Variants in TRAP1 observed in about 807,000 individuals in gnomAD.
TRAP1 encodes TNF receptor associated protein 1.
Under a neutral mutation model 89.1 loss-of-function variants are expected in TRAP1, and 102 were observed. The observed-to-expected ratio is 1.15, with a 90% CI of 0.98 to 1.35. The LOEUF (loss-of-function observed/expected upper bound fraction) is 1.35. Among genes scored for constraint, TRAP1 ranks in the 40% most tolerant of loss-of-function variants. The pLI, the probability that TRAP1 is intolerant of heterozygous loss-of-function variation, is 0.00. For missense variants in TRAP1, 1,256 were observed against 945.3 expected (o/e 1.33, Z -4.31); for synonymous variants, 508 against 388.0 (o/e 1.31, Z -3.64).
chr16:3,677,386 A>G, intron 6 of TRAP1, 112 bp downstream of exon 6: 8 of 1,423,158 alleles, frequency 5.6e-6, no homozygotes, highest in Non-Finnish European at 7.7e-6. Flanking sequence ...ATTTCATATA[A>G]AAAGCCCAGA....
At position 3,663,052 on chromosome 16, in the gene TRAP1, C is replaced by T. The variant is rs1489824439; in HGVS notation, c.1709-85G>A. On this transcript the variant is annotated intron_variant, in intron 14 of 17. Coordinates refer to ENST00000246957, the MANE Select transcript of TRAP1 (RefSeq NM_016292.3). ...GGGGCCACGCAGCATGCTTCCAGCTCCCACCTCCTCTCCCACCAGGATGGA... is the reference window on the plus strand; with the variant it reads ...GGGGCCACGCAGCATGCTTCCAGCTTCCACCTCCTCTCCCACCAGGATGGA... The T allele has an allele frequency of 1.2e-5, 12 of 1,024,166 alleles. No individual in the cohort carries two copies. The South Asian group carries it at 1.5e-4, about 13-fold the overall frequency. 63.4% of individuals were successfully genotyped at this position (1,024,166 alleles called of 1,614,324 possible). A position where few individuals can be genotyped will look rare whatever the true frequency, so the allele number is the denominator to read the frequency against.
At chr16:3,674,794 A>AC in intron 8 of TRAP1, 1 of 460,858 alleles carries the variant, frequency 2.2e-6, no homozygotes. Flanking sequence ...GCTGACGAAT[A>AC]CAGTGTGGGC....
In TRAP1 at chr16:3,686,079, T is replaced by A. The variant is rs555710034; in HGVS notation, c.388A>T (p.Lys130Ter). The A allele has an allele frequency of 1.2e-6, 2 of 1,614,126 alleles. No individual in the cohort carries two copies. The highest frequency in any genetic ancestry group is 4.5e-5 in the East Asian group (2 of 44,878). The part of the protein sequence containing the change: ...ASDALEKLRH[K>*]LVSDGQALPE... The stretch of plus-strand genomic sequence containing the variant: ...AGTGCTTGGCCGTCAGACACCAGTT[T>A]GTGACGCAGTTTTTCCAAGGCATCG... Residue 130 changes from lysine to a stop codon, truncating the protein, a stop_gained, in exon 4 of 18, where the codon AAA becomes TAA. Coordinates refer to ENST00000246957, the MANE Select transcript of TRAP1 (RefSeq NM_016292.3). LOFTEE classifies it high-confidence loss of function.
At position 3,667,827 on chromosome 16, in the gene TRAP1, C is replaced by G. The variant is rs1453511150; in HGVS notation, c.1236-1709G>C. On this transcript the variant is annotated intron_variant, in intron 11 of 17. Transcript: ENST00000246957. ...AGGCTGGAGTGCAGTGGCGTGATCT[C>G]GGCTCACTGCAACCTCTGCCTCCCG... 2.1e-5 allele frequency among the ~76,000 whole-genome samples: 3 copies of G among 140,362 alleles called. 1 individual carries two copies. The highest frequency in any genetic ancestry group is 4.6e-5 in the Non-Finnish European group (3 of 65,258). 92.1% of individuals were successfully genotyped at this position (140,362 alleles called of 152,430 possible).
intron 8 of TRAP1, 38 bp from the exon 9 acceptor site, chr16:3,674,532 C>T: frequency 1.2e-6 from 2 of 1,604,206 alleles, no homozygotes; most frequent in Non-Finnish European, 8.5e-7. Flanking sequence ...GTCGTGTTCA[C>T]CACGCACGTC....
At chr16:3,682,410 C>A (rs900266153) in intron 4 of TRAP1, among the ~76,000 whole-genome samples, 16 of 147,636 alleles carry the variant, frequency 1.1e-4, no homozygotes, top group African/African-American at 3.7e-4. Context: ...AAAAAAATTT[C>A]TCGCTCTGTC....
chr16:3,670,835 C>T (rs990521445), intron 11 of TRAP1, among the ~76,000 whole-genome samples: 3 of 152,092 alleles, frequency 2.0e-5, no homozygotes, highest in Non-Finnish European at 2.9e-5. Context: ...GGGCATGGAC[C>T]CACCAGGCAG....
chr16:3,695,986 TCAATAC>T, intron 1 of TRAP1, among the ~76,000 whole-genome samples: 1 of 152,000 alleles, frequency 6.6e-6, no homozygotes, highest in South Asian at 2.1e-4. Context: ...GATGCAGAAA[TCAATAC>T]CGGAACATTT....
At chr16:3,692,495 C>T (rs1337719205) in intron 1 of TRAP1, among the ~76,000 whole-genome samples, 5 of 149,754 alleles carry the variant, frequency 3.3e-5, no homozygotes, top group African/African-American at 7.4e-5. Flanking sequence ...GAGATCGTGC[C>T]GCTGCACTAC....
At chr16:3,706,155 T>C (rs571058110) in intron 1 of TRAP1, among the ~76,000 whole-genome samples, 4 of 152,264 alleles carry the variant, frequency 2.6e-5, no homozygotes, top group South Asian at 2.1e-4. Context: ...GGTTTTGCCA[T>C]GTTGGCCAGG....
chr16:3,700,837 T>C (rs1176255805), intron 1 of TRAP1, among the ~76,000 whole-genome samples: 1 of 152,014 alleles, frequency 6.6e-6, no homozygotes, highest in East Asian at 1.9e-4. Context: ...TTAAAAAGCA[T>C]TAGATAAACC....
chr16:3,662,986 CAG>C lies in TRAP1; in HGVS notation c.1709-21_1709-20del, dbSNP rs1317788546. ...TCGGCGGCTGCGGAAGAGCAGGCGA[CAG>C]GGAGCTCAGGCCTGCATCCCAACTC... is the stretch of plus-strand genomic sequence containing the variant. On this transcript the variant is annotated intron_variant, in intron 14 of 17. Coordinates refer to ENST00000246957, the MANE Select transcript of TRAP1 (RefSeq NM_016292.3). 1.9e-6 allele frequency: 3 copies of C among 1,572,638 alleles called. No homozygotes were observed. Among genetic ancestry groups the C allele is most frequent in the East Asian group, 2.3e-5 (1 of 42,796 alleles).
At chr16:3,659,685 T>C (rs1330190197) in intron 16 of TRAP1, 1 of 152,120 alleles carries the variant, frequency 6.6e-6, no homozygotes, top group Non-Finnish European at 1.5e-5. Context: ...AAACCACATG[T>C]GGATGATATG....
intron 1 of TRAP1, among the ~76,000 whole-genome samples, chr16:3,702,575 C>T (rs962534035): frequency 6.6e-6 from 1 of 150,772 alleles, no homozygotes; most frequent in Non-Finnish European, 1.5e-5. Context: ...AAACCCCGTC[C>T]CTACCAAAAA....
At chr16:3,685,227 A>G (rs1270635997) in intron 4 of TRAP1, among the ~76,000 whole-genome samples, 1 of 152,198 alleles carries the variant, frequency 6.6e-6, no homozygotes, top group Non-Finnish European at 1.5e-5. Context: ...CCTTATGACC[A>G]AGGGCTATGA....
intron 1 of TRAP1, among the ~76,000 whole-genome samples, chr16:3,707,545 C>T (rs2051465673): frequency 6.6e-6 from 1 of 151,522 alleles, no homozygotes; most frequent in East Asian, 2.0e-4. Flanking sequence ...ATAAGGACCA[C>T]ATAAAAATTT....
intron 1 of TRAP1, among the ~76,000 whole-genome samples, chr16:3,698,015 G>A (rs1168097811): frequency 6.6e-6 from 1 of 151,830 alleles, no homozygotes; most frequent in African/African-American, 2.4e-5. Context: ...GTTTCACCAT[G>A]TTGGCCAGGA....
intron 1 of TRAP1, among the ~76,000 whole-genome samples, chr16:3,699,482 C>CA (rs111395448): frequency 0.62 from 93,718 of 151,556 alleles, 30,279 homozygotes; most frequent in African/African-American, 0.81. Flanking sequence ...ACTAAAAATA[C>CA]AAAATTAGCA....
chr16:3,668,697 C>T (rs536942720), intron 11 of TRAP1, among the ~76,000 whole-genome samples: 72 of 152,336 alleles, frequency 4.7e-4, no homozygotes, highest in African/African-American at 1.4e-3. Context: ...TGCTCTGCAG[C>T]TTCGGGCACT....
Sources: gnomAD v4.1 joint callset for allele counts (sites outside exome capture counted in the v4.1 genomes callset) on GRCh38, gnomAD v4.1.1 for gene constraint, MANE v1.5 for transcripts, NCBI Gene and HGNC (gene_info 2026-07-23, HGNC 2026-07-21) for gene names.